NUDT9: variants seen among roughly 807,000 people sequenced by gnomAD.
NUDT9 encodes the protein ADP-ribose pyrophosphatase.
A neutral mutation model predicts 41.0 loss-of-function variants in NUDT9; 31 were observed. The ratio of observed to expected loss-of-function variants is 0.76; its 90% CI spans 0.57 to 1.02. The LOEUF (loss-of-function observed/expected upper bound fraction) is 1.02, where lower values mean the gene tolerates loss of function less well. Ranked by LOEUF, NUDT9 falls within the 50% of genes least tolerant of loss-of-function variation. NUDT9 has a pLI of 0.00. For missense variants in NUDT9, 380 were observed against 431.4 expected (o/e 0.88, Z 1.06); for synonymous variants, 146 against 147.6 (o/e 0.99, Z 0.08).
intron 1 of NUDT9, among the ~76,000 whole-genome samples, chr4:87,434,750 C>T (rs1374475492): frequency 6.6e-6 from 1 of 151,930 alleles, no homozygotes; most frequent in Admixed American, 6.6e-5. Flanking sequence ...TTGCCTCAGC[C>T]TCCCAAGTAG....
At chr4:87,453,889 C>T (rs1462099895) in intron 6 of NUDT9, among the ~76,000 whole-genome samples, 6 of 135,350 alleles carry the variant, frequency 4.4e-5, no homozygotes, top group South Asian at 2.3e-4. Context: ...GACAGAGTCT[C>T]GCTGTGTTGC....
At chr4:87,428,359 C>T (rs1227549886) in intron 1 of NUDT9, among the ~76,000 whole-genome samples, 2 of 152,176 alleles carry the variant, frequency 1.3e-5, no homozygotes, top group African/African-American at 2.4e-5. Context: ...ACTTATAATT[C>T]AGCAATCACA....
chr4:87,435,557 G>C (rs936475695), intron 2 of NUDT9, among the ~76,000 whole-genome samples: 3 of 152,074 alleles, frequency 2.0e-5, no homozygotes, highest in African/African-American at 7.2e-5. Context: ...GTTCTATTTG[G>C]GTTATCAATA....
At chr4:87,433,581 T>C (rs2110166141) in intron 1 of NUDT9, among the ~76,000 whole-genome samples, 1 of 152,342 alleles carries the variant, frequency 6.6e-6, no homozygotes, top group South Asian at 2.1e-4. Flanking sequence ...GAAGGGCAAA[T>C]TGACTGGTAT....
At chr4:87,455,369 C>T (rs891401947) in intron 7 of NUDT9, among the ~76,000 whole-genome samples, 9 of 152,162 alleles carry the variant, frequency 5.9e-5, no homozygotes, top group African/African-American at 2.2e-4. Flanking sequence ...AAGAAATATG[C>T]AGATGTAAAT....
intron 1 of NUDT9, among the ~76,000 whole-genome samples, chr4:87,434,625 TC>T (rs1468737873): frequency 2.7e-5 from 4 of 148,634 alleles, no homozygotes; most frequent in East Asian, 2.2e-4. Flanking sequence ...TGAATTAGGT[TC>T]TTTTTTTTTT....
Position 87,422,761 on chromosome 4 carries a change from G to C in NUDT9, c.-145G>C, listed in dbSNP as rs1721185102. On this transcript the variant is annotated 5_prime_UTR_variant, in exon 1 of 8. Coordinates refer to ENST00000302174, the MANE Select transcript of NUDT9 (RefSeq NM_024047.5). Reference sequence around the variant, plus strand: ...GATCTGTGATTTATAGATAGGCACAGCTACTCCCGTTCGGGAACCCAACGG... The same window carrying C: ...GATCTGTGATTTATAGATAGGCACACCTACTCCCGTTCGGGAACCCAACGG... 1 of 429,290 alleles carries C rather than the reference G, an allele frequency of 2.3e-6. No homozygotes were observed. Among genetic ancestry groups the C allele is most frequent in the Admixed American group, 3.8e-5 (1 of 26,328 alleles). The allele number at this position is 429,290 out of a possible 1,614,324, so 26.6% of individuals were successfully genotyped here.
intron 1 of NUDT9, among the ~76,000 whole-genome samples, chr4:87,425,953 C>G (rs1420621304): frequency 6.6e-6 from 1 of 151,882 alleles, no homozygotes; most frequent in African/African-American, 2.4e-5. Context: ...ACTACCGGTG[C>G]GCACTACCAG....
At chr4:87,438,989 A>G (rs1179319054) in intron 3 of NUDT9, among the ~76,000 whole-genome samples, 4 of 151,670 alleles carry the variant, frequency 2.6e-5, no homozygotes, top group African/African-American at 4.8e-5. Context: ...CAACATGGAG[A>G]AACCCCATCT....
At chr4:87,438,176 T>G in intron 2 of NUDT9, 101 bp from the exon 3 acceptor site, 1 of 572,082 alleles carries the variant, frequency 1.7e-6, no homozygotes, top group Non-Finnish European at 3.0e-6. Flanking sequence ...AATTTATTGT[T>G]TCAGGAATAC....
chr4:87,427,993 CTG>C (rs1325405013), intron 1 of NUDT9, among the ~76,000 whole-genome samples: 1 of 152,134 alleles, frequency 6.6e-6, no homozygotes, highest in East Asian at 1.9e-4. Context: ...GTTTCCTAAA[CTG>C]TGGCAGCTGA....
chr4:87,424,886 A>G (rs1353494586), intron 1 of NUDT9, among the ~76,000 whole-genome samples: 1 of 152,168 alleles, frequency 6.6e-6, no homozygotes, highest in Admixed American at 6.5e-5. Context: ...ATCCAGAACC[A>G]GAGACTGTAC....
intron 1 of NUDT9, among the ~76,000 whole-genome samples, chr4:87,428,982 A>G (rs1721555385): frequency 6.6e-6 from 1 of 152,180 alleles, no homozygotes; most frequent in South Asian, 2.1e-4. Flanking sequence ...AATGACACGC[A>G]TCAACTCTTA....
intron 5 of NUDT9, 115 bp downstream of exon 5, chr4:87,449,368 T>A (rs892641187): frequency 1.6e-6 from 1 of 631,476 alleles, no homozygotes; most frequent in South Asian, 1.8e-5. Flanking sequence ...CCCACTTCAT[T>A]TAGTAATTCT....
At chr4:87,431,877 G>A (rs1434236888) in intron 1 of NUDT9, among the ~76,000 whole-genome samples, 6 of 152,108 alleles carry the variant, frequency 3.9e-5, no homozygotes, top group African/African-American at 1.4e-4. Context: ...GTAGAGACAG[G>A]GTTTCGCCAT....
chr4:87,432,219 A>G (rs1218397236), intron 1 of NUDT9, among the ~76,000 whole-genome samples: 1 of 152,188 alleles, frequency 6.6e-6, no homozygotes, highest in Non-Finnish European at 1.5e-5. Context: ...GATGTCTTGG[A>G]GATGGGACTC....
At position 87,438,320 on chromosome 4, in the gene NUDT9, G is replaced by A. The variant is rs771358139; in HGVS notation, c.391G>A (p.Val131Ile). 4 of 1,611,968 alleles carry A rather than the reference G, an allele frequency of 2.5e-6. No homozygotes were observed. The highest frequency in any genetic ancestry group is 2.2e-5 in the East Asian group (1 of 44,800). The change falls in exon 3 of 8, where the codon GTT becomes ATT. Residue 131 changes from valine (V) to isoleucine (I), a missense_variant. Physicochemically the swap from Val to Ile is conservative, Grantham distance 29. Transcript: ENST00000302174. The part of the protein sequence containing the change: ...SPKFNEKDGH[V>I]ERKSKNGLYE... ...CAAGTTTAACGAAAAGGATGGGCAT[G>A]TTGAGAGAAAGAGCAAGAATGGCCT...
chr4:87,427,288 G>A (rs1010905089), intron 1 of NUDT9, among the ~76,000 whole-genome samples: 1 of 152,138 alleles, frequency 6.6e-6, no homozygotes, highest in Admixed American at 6.5e-5. Flanking sequence ...AAAGCACCAC[G>A]TCAGTATTGC....
intron 1 of NUDT9, among the ~76,000 whole-genome samples, chr4:87,425,079 G>C (rs146807370): frequency 2.6e-3 from 401 of 152,216 alleles, no homozygotes; most frequent in Non-Finnish European, 4.5e-3. Flanking sequence ...TTTATGGCCA[G>C]GCACAGTGGC....
Sources: gnomAD v4.1 joint callset for allele counts (sites outside exome capture counted in the v4.1 genomes callset) on GRCh38, gnomAD v4.1.1 for gene constraint, MANE v1.5 for transcripts, NCBI Gene and HGNC (gene_info 2026-07-23, HGNC 2026-07-21) for gene names.